The following PRR5 variants were observed in gnomAD, a reference collection of about 807,000 sequenced individuals.
PRR5 encodes the protein proline-rich protein 5.
Under a neutral mutation model 30.6 loss-of-function variants are expected in PRR5, and 25 were observed. That is an observed-to-expected ratio of 0.82 (90% CI 0.60 to 1.14). The LOEUF (loss-of-function observed/expected upper bound fraction) is 1.14. Ranked by LOEUF, PRR5 falls within the 50% of genes most tolerant of loss-of-function variation. The pLI is 0.00. For missense variants in PRR5, 600 were observed against 547.1 expected (o/e 1.10, Z -0.96); for synonymous variants, 286 against 247.1 (o/e 1.16, Z -1.48).
At chr22:44,729,651 A>C in intron 4 of PRR5, 2 of 985,374 alleles carry the variant, frequency 2.0e-6, no homozygotes, top group Non-Finnish European at 2.4e-6. Context: ...GACTAACCCT[A>C]CTGCCCCACA....
intron 1 of PRR5, 127 bp downstream of exon 1, chr22:44,702,735 T>C (rs1926537458): frequency 1.7e-6 from 2 of 1,206,762 alleles, no homozygotes; most frequent in Non-Finnish European, 2.1e-6. Context: ...GCTTCACAGT[T>C]TGCAAAGAAC....
At chr22:44,702,807 A>G (rs917897557) in intron 1 of PRR5, among the ~76,000 whole-genome samples, 199 bp downstream of exon 1, 1 of 151,998 alleles carries the variant, frequency 6.6e-6, no homozygotes, top group Non-Finnish European at 1.5e-5. Context: ...TCCAGAACCC[A>G]GGGAAGGGAG....
At chr22:44,689,630 C>G (rs1312916501) in intron 1 of PRR5, among the ~76,000 whole-genome samples, 1 of 152,160 alleles carries the variant, frequency 6.6e-6, no homozygotes, top group Non-Finnish European at 1.5e-5. Flanking sequence ...GTGGTGGGGA[C>G]AGGAGCTCAT....
upstream of PRR5, among the ~76,000 whole-genome samples, chr22:44,700,884 G>T (rs1216824966): frequency 1.3e-5 from 2 of 152,020 alleles, no homozygotes; most frequent in African/African-American, 4.8e-5. Flanking sequence ...ATTTTATTAT[G>T]ATGATGATGA....
At chr22:44,692,716 A>G (rs1421833655) in intron 1 of PRR5, among the ~76,000 whole-genome samples, 2 of 152,186 alleles carry the variant, frequency 1.3e-5, no homozygotes, top group African/African-American at 2.4e-5. Context: ...CCTTGGGAAG[A>G]ATACAGGTTG....
chr22:44,737,512 GCTC>G lies in PRR5; in HGVS notation c.*271_*273del. ...ACGGGGGTCGGCCGCTCGCTCCCAC[GCTC>G]CTCCTGCCCCAGCCCTCTGGTGTCC... is the stretch of plus-strand genomic sequence containing the variant. On this transcript the variant is annotated 3_prime_UTR_variant, in exon 8 of 8. Coordinates refer to ENST00000336985, the MANE Select transcript of PRR5 (RefSeq NM_181333.4). 7.4e-6 allele frequency: 4 copies of G among 541,742 alleles called. No homozygotes were observed. Among genetic ancestry groups the G allele is most frequent in the Non-Finnish European group, 1.2e-5 (4 of 328,420 alleles). 33.6% of individuals were successfully genotyped at this position (541,742 alleles called of 1,614,324 possible). A position where few individuals can be genotyped will look rare whatever the true frequency, so the allele number is the denominator to read the frequency against.
chr22:44,703,882 C>CA (rs1010902638), intron 1 of PRR5, among the ~76,000 whole-genome samples: 141 of 150,600 alleles, frequency 9.4e-4, no homozygotes, highest in African/African-American at 3.3e-3. Flanking sequence ...GACCCTATCT[C>CA]AAAAAAAAAG....
At chr22:44,694,187 G>T (rs1925544860) in intron 1 of PRR5, among the ~76,000 whole-genome samples, 1 of 152,206 alleles carries the variant, frequency 6.6e-6, no homozygotes, top group South Asian at 2.1e-4. Flanking sequence ...CACCTGTGTG[G>T]TGCTGGCCCA....
At chr22:44,683,695 G>A (rs899385833) in intron 1 of PRR5, among the ~76,000 whole-genome samples, 8 of 152,190 alleles carry the variant, frequency 5.3e-5, no homozygotes, top group Admixed American at 1.3e-4. Flanking sequence ...TCCTCTGATT[G>A]GCCTCAGATC....
chr22:44,734,679 G>C (rs948502970), intron 6 of PRR5: 6 of 245,402 alleles, frequency 2.4e-5, no homozygotes, highest in Admixed American at 2.0e-4. Context: ...GTCAGCCAGT[G>C]TCTCTGGAGA....
At chr22:44,719,127 T>G (rs1217330371) in intron 2 of PRR5, among the ~76,000 whole-genome samples, 1 of 151,806 alleles carries the variant, frequency 6.6e-6, no homozygotes. Flanking sequence ...CTCGACTTGC[T>G]GAAGAGCAGT....
upstream of PRR5, among the ~76,000 whole-genome samples, chr22:44,700,567 A>G (rs879351261): frequency 5.3e-5 from 8 of 152,210 alleles, no homozygotes; most frequent in African/African-American, 1.4e-4. Context: ...TAGAGGCTGC[A>G]GTGACCACAG....
intron 2 of PRR5, among the ~76,000 whole-genome samples, chr22:44,723,072 G>A (rs978229579): frequency 1.0e-4 from 15 of 150,604 alleles, no homozygotes; most frequent in African/African-American, 3.2e-4. Flanking sequence ...TGCAACCTCC[G>A]CCTCCCGAGT....
intron 4 of PRR5, among the ~76,000 whole-genome samples, chr22:44,729,065 G>A (rs991846827): frequency 6.6e-6 from 1 of 152,172 alleles, no homozygotes; most frequent in Non-Finnish European, 1.5e-5. Flanking sequence ...AACTCTGGGC[G>A]GGAGCTCCTG....
intron 3 of PRR5, among the ~76,000 whole-genome samples, chr22:44,726,190 G>T (rs983452571): frequency 6.6e-6 from 1 of 152,206 alleles, no homozygotes. Context: ...GTGCGTCCAG[G>T]GTCCCTGAGG....
intron 1 of PRR5, among the ~76,000 whole-genome samples, chr22:44,708,205 A>T (rs180970201): frequency 7.6e-4 from 115 of 152,292 alleles, no homozygotes; most frequent in African/African-American, 2.7e-3. Context: ...AACTCAAAAA[A>T]CAACAAACAA....
chr22:44,720,669 T>C (rs1209246885), intron 2 of PRR5, among the ~76,000 whole-genome samples: 2 of 152,206 alleles, frequency 1.3e-5, no homozygotes, highest in African/African-American at 4.8e-5. Context: ...GGTCCTGAAC[T>C]GGCCACTCAT....
chr22:44,698,712 G>A (rs556650561), upstream of PRR5, among the ~76,000 whole-genome samples: 34 of 152,348 alleles, frequency 2.2e-4, no homozygotes, highest in South Asian at 3.7e-3. Flanking sequence ...GCTTCAGGGC[G>A]GCCAGAATCC....
At chr22:44,731,334 A>G (rs1921926603) in intron 4 of PRR5, 1 of 303,498 alleles carries the variant, frequency 3.3e-6, no homozygotes, top group Non-Finnish European at 6.4e-6. Flanking sequence ...TAGGGGTCTC[A>G]CCTGTGAACG....
Sources: allele counts gnomAD v4.1 joint callset (sites outside exome capture counted in the v4.1 genomes callset), GRCh38; gene constraint gnomAD v4.1.1; transcripts MANE v1.5; gene names NCBI Gene and HGNC (gene_info 2026-07-23, HGNC 2026-07-21).